CHRNA7: variants seen among roughly 807,000 people sequenced by gnomAD.
The protein encoded by CHRNA7 is cholinergic receptor nicotinic alpha 7 subunit.
In CHRNA7, 17 loss-of-function variants were observed where a neutral mutation model predicts 48.0. The observed-to-expected ratio is 0.35, with a 90% CI of 0.24 to 0.53. CHRNA7 has a LOEUF of 0.53. CHRNA7 is among the 20% of genes least tolerant of loss of function. The probability of loss-of-function intolerance (pLI) is 0.92; values close to 1 mark genes in which losing one functional copy is unlikely to be tolerated. For missense variants in CHRNA7, 155 were observed against 577.7 expected (o/e 0.27, Z 7.50); for synonymous variants, 75 against 242.3 (o/e 0.31, Z 6.41).
At chr15:32,072,287 C>T (rs904491917) in intron 2 of CHRNA7, among the ~76,000 whole-genome samples, 3 of 152,168 alleles carry the variant, frequency 2.0e-5, no homozygotes, top group African/African-American at 7.2e-5. Context: ...TAAGAGGTGA[C>T]ATGGCTGCTT....
At chr15:32,136,099 A>T (rs1387316087) in intron 4 of CHRNA7, among the ~76,000 whole-genome samples, 1 of 152,236 alleles carries the variant, frequency 6.6e-6, no homozygotes, top group Non-Finnish European at 1.5e-5. Flanking sequence ...TTTAGGAACT[A>T]GGCATGAGAA....
At chr15:32,034,547 G>A (rs1455264807) in intron 2 of CHRNA7, among the ~76,000 whole-genome samples, 4 of 152,228 alleles carry the variant, frequency 2.6e-5, no homozygotes, top group Non-Finnish European at 5.9e-5. Context: ...TGTGTGAGGC[G>A]TCCTGAGTTC....
chr15:32,141,127 G>C (rs1017385252), intron 4 of CHRNA7, among the ~76,000 whole-genome samples: 1 of 152,160 alleles, frequency 6.6e-6, no homozygotes, highest in African/African-American at 2.4e-5. Context: ...TCCAGTTTCA[G>C]CTTTATACAT....
chr15:32,095,436 G>A (rs576687804), intron 2 of CHRNA7, among the ~76,000 whole-genome samples: 1 of 152,064 alleles, frequency 6.6e-6, no homozygotes, highest in Non-Finnish European at 1.5e-5. Context: ...ATATAATAAG[G>A]CCATTCCATA....
At chr15:32,097,317 G>GT (rs905733366) in intron 2 of CHRNA7, among the ~76,000 whole-genome samples, 7 of 152,088 alleles carry the variant, frequency 4.6e-5, no homozygotes, top group Non-Finnish European at 8.8e-5. Flanking sequence ...TGGTCTGAAT[G>GT]TTTTTTTCCC....
intron 2 of CHRNA7, among the ~76,000 whole-genome samples, chr15:32,042,316 T>C (rs2049463824): frequency 1.3e-5 from 2 of 152,188 alleles, no homozygotes; most frequent in African/African-American, 4.8e-5. Flanking sequence ...TTCCCTTGTG[T>C]CAGGTAAGCT....
In CHRNA7 at chr15:32,030,557, G is replaced by C. The variant is rs775395231; in HGVS notation, c.-38G>C. 10 of 1,456,720 alleles carry C rather than the reference G, an allele frequency of 6.9e-6. No individual in the cohort carries two copies. The highest frequency in any genetic ancestry group is 4.1e-5 in the South Asian group (3 of 74,014). 90.2% of individuals were successfully genotyped at this position (1,456,720 alleles called of 1,614,324 possible). A position where few individuals can be genotyped will look rare whatever the true frequency, so the allele number is the denominator to read the frequency against. Reference sequence around the variant, plus strand: ...CGCAGGCCCGGGCGACAGCCGAGACGTGGAGCGCGCCGGCTCGCTGCAGCT... The same window carrying C: ...CGCAGGCCCGGGCGACAGCCGAGACCTGGAGCGCGCCGGCTCGCTGCAGCT... On this transcript the variant is annotated 5_prime_UTR_variant, in exon 1 of 10. Transcript: ENST00000306901.
At chr15:32,072,665 C>T (rs1351735265) in intron 2 of CHRNA7, among the ~76,000 whole-genome samples, 1 of 152,154 alleles carries the variant, frequency 6.6e-6, no homozygotes, top group Non-Finnish European at 1.5e-5. Flanking sequence ...CCCTGCACAG[C>T]CTTAGGACAC....
intron 2 of CHRNA7, among the ~76,000 whole-genome samples, chr15:32,037,007 T>C (rs1425997747): frequency 1.3e-5 from 2 of 152,196 alleles, no homozygotes; most frequent in Non-Finnish European, 2.9e-5. Context: ...GTTACTGCAA[T>C]ATCCAAGGTC....
chr15:32,127,190 C>T (rs531272804), intron 4 of CHRNA7, among the ~76,000 whole-genome samples: 2 of 152,202 alleles, frequency 1.3e-5, no homozygotes, highest in African/African-American at 2.4e-5. Flanking sequence ...TATGGATGTG[C>T]CACAATTTGT....
At chr15:32,138,675 G>C (rs1414413194) in intron 4 of CHRNA7, among the ~76,000 whole-genome samples, 1 of 151,972 alleles carries the variant, frequency 6.6e-6, no homozygotes, top group Non-Finnish European at 1.5e-5. Flanking sequence ...AATCCTCGGT[G>C]CTCCACCTAT....
At chr15:32,037,887 T>C (rs1290270097) in intron 2 of CHRNA7, among the ~76,000 whole-genome samples, 1 of 151,756 alleles carries the variant, frequency 6.6e-6, no homozygotes, top group Non-Finnish European at 1.5e-5. Flanking sequence ...TTTCCCAGTC[T>C]ATATACTTTT....
intron 2 of CHRNA7, among the ~76,000 whole-genome samples, chr15:32,047,574 G>A (rs1321808399): frequency 6.6e-6 from 1 of 152,164 alleles, no homozygotes; most frequent in Non-Finnish European, 1.5e-5. Flanking sequence ...ATTTTGGGCT[G>A]AGACAATGGG....
At chr15:32,122,603 T>A (rs976752577) in intron 4 of CHRNA7, among the ~76,000 whole-genome samples, 2 of 152,170 alleles carry the variant, frequency 1.3e-5, no homozygotes, top group African/African-American at 4.8e-5. Context: ...AGTTTGTTTT[T>A]TATTGTGTAT....
intron 2 of CHRNA7, among the ~76,000 whole-genome samples, chr15:32,044,291 T>C: frequency 4.1e-5 from 1 of 24,116 alleles, no homozygotes; most frequent in South Asian, 1.8e-3. Context: ...TTCCTTCTTT[T>C]TTTGGGGATG....
chr15:32,097,024 G>T (rs540879984), intron 2 of CHRNA7, among the ~76,000 whole-genome samples: 1 of 152,048 alleles, frequency 6.6e-6, no homozygotes, highest in African/African-American at 2.4e-5. Flanking sequence ...GAGTAGCCAC[G>T]TGGTGACAGC....
Position 32,143,509 on chromosome 15 carries a change from C to T in CHRNA7, c.351-10398C>T, listed in dbSNP as rs923759329. ...TTCTGTCTCGTTGATCTAATATTGACAGTGGGCTGTTAAAGTCTCCCATTA... is the reference window on the plus strand; with the variant it reads ...TTCTGTCTCGTTGATCTAATATTGATAGTGGGCTGTTAAAGTCTCCCATTA... On this transcript the variant is annotated intron_variant, in intron 4 of 9. Coordinates refer to ENST00000306901, the MANE Select transcript of CHRNA7 (RefSeq NM_000746.6). Among the ~76,000 whole-genome samples, 3 of 152,042 alleles carry T rather than the reference C, an allele frequency of 2.0e-5. No individual in the cohort carries two copies. In the East Asian group the frequency reaches 5.8e-4, roughly 29 times the overall value.
intron 4 of CHRNA7, among the ~76,000 whole-genome samples, chr15:32,123,833 A>G (rs914102455): frequency 6.6e-6 from 1 of 152,070 alleles, no homozygotes; most frequent in Non-Finnish European, 1.5e-5. Context: ...CCCTGTGCCC[A>G]TGTAGGCATA....
intron 2 of CHRNA7, among the ~76,000 whole-genome samples, chr15:32,070,817 G>C (rs952286222): frequency 1.4e-4 from 21 of 151,410 alleles, no homozygotes; most frequent in African/African-American, 5.1e-4. Flanking sequence ...CTCCCGAGTA[G>C]CTGGGACTAC....
Sources: gnomAD v4.1 joint callset for allele counts (sites outside exome capture counted in the v4.1 genomes callset) on GRCh38, gnomAD v4.1.1 for gene constraint, MANE v1.5 for transcripts, NCBI Gene and HGNC (gene_info 2026-07-23, HGNC 2026-07-21) for gene names.